ADGRL2: variants seen among roughly 807,000 people sequenced by gnomAD.
ADGRL2 encodes the protein adhesion G protein-coupled receptor L2.
ADGRL2 carries 44 observed loss-of-function variants against 157.4 expected under a neutral mutation model. The ratio of observed to expected loss-of-function variants is 0.28; its 90% CI spans 0.22 to 0.36. The LOEUF (loss-of-function observed/expected upper bound fraction) is 0.36, where lower values mean the gene tolerates loss of function less well. Ranked by LOEUF, ADGRL2 falls within the 10% of genes least tolerant of loss-of-function variation. The pLI is 1.00. For synonymous variants in ADGRL2, 585 were observed against 624.7 expected, an observed-to-expected ratio of 0.94 and a Z score of 0.95; for missense variants, 1,510 against 1,768.9, an observed-to-expected ratio of 0.85 and a Z score of 2.63.
At chr1:81,477,307 C>T (rs528013453) in intron 2 of ADGRL2, among the ~76,000 whole-genome samples, 1 of 152,330 alleles carries the variant, frequency 6.6e-6, no homozygotes, top group South Asian at 2.1e-4. Context: ...ACTCCTAACA[C>T]CTGACTATCC....
intron 3 of ADGRL2, among the ~76,000 whole-genome samples, chr1:81,619,480 G>C (rs538894353): frequency 9.2e-5 from 14 of 152,156 alleles, no homozygotes; most frequent in African/African-American, 3.4e-4. Flanking sequence ...CCTGTGTCAG[G>C]GATCAATGTA....
rs569905065 is a variant in ADGRL2 at position 81,856,116 on chromosome 1, A to G, written c.73+19059A>G. Among the ~76,000 whole-genome samples the G allele has an allele frequency of 3.4e-4, 52 of 152,224 alleles. No homozygotes were observed. In the South Asian group the frequency reaches 0.011, roughly 31 times the overall value. On this transcript the variant is annotated intron_variant, in intron 2 of 23. Transcript: ENST00000686636. ...CTGGTCATATATAGCACAGATGCAT[A>G]ATCTGAAGCAGCAGGTGCTTCTGGG...
chr1:81,891,982 GTA>G (rs373641491), intron 2 of ADGRL2, among the ~76,000 whole-genome samples: 8 of 150,476 alleles, frequency 5.3e-5, no homozygotes, highest in Admixed American at 4.6e-4. Flanking sequence ...GTGTGTGTGT[GTA>G]TGTGTGTGTG....
At chr1:81,398,072 T>C (rs548221240) in intron 1 of ADGRL2, among the ~76,000 whole-genome samples, 26 of 152,314 alleles carry the variant, frequency 1.7e-4, no homozygotes, top group African/African-American at 6.3e-4. Flanking sequence ...ACCTTCTTTG[T>C]CTCTTTTTAC....
At chr1:81,926,435 T>G (rs2095108803) in intron 3 of ADGRL2, among the ~76,000 whole-genome samples, 1 of 152,032 alleles carries the variant, frequency 6.6e-6, no homozygotes, top group South Asian at 2.1e-4. Flanking sequence ...GCTGTGTCTT[T>G]TATATAGTCT....
chr1:81,737,246 A>C (rs1328010566), intron 1 of ADGRL2, among the ~76,000 whole-genome samples: 1 of 152,228 alleles, frequency 6.6e-6, no homozygotes, highest in African/African-American at 2.4e-5. Context: ...TTTATGAAGA[A>C]AAGAGGTTTA....
chr1:81,628,262 T>C (rs2081948187), intron 3 of ADGRL2, among the ~76,000 whole-genome samples: 1 of 152,100 alleles, frequency 6.6e-6, no homozygotes, highest in Non-Finnish European at 1.5e-5. Context: ...AGTGGAGAAT[T>C]GAAGATGTTC....
At chr1:81,834,726 G>A (rs927949448) in intron 1 of ADGRL2, among the ~76,000 whole-genome samples, 4 of 151,912 alleles carry the variant, frequency 2.6e-5, no homozygotes, top group African/African-American at 9.7e-5. Flanking sequence ...CATTACACAG[G>A]CAGATTGACT....
chr1:81,367,239 G>C (rs1201789103), intron 1 of ADGRL2, among the ~76,000 whole-genome samples: 1 of 152,116 alleles, frequency 6.6e-6, no homozygotes, highest in East Asian at 1.9e-4. Context: ...AAGTTCCAGA[G>C]TACATATGCA....
intron 13 of ADGRL2, among the ~76,000 whole-genome samples, 157 bp from the exon 14 acceptor site, chr1:81,967,869 G>C (rs931582579): frequency 6.6e-6 from 1 of 152,088 alleles, no homozygotes. Flanking sequence ...CTAGATATCT[G>C]CCTTGTATAA....
intron 3 of ADGRL2, among the ~76,000 whole-genome samples, chr1:81,916,379 G>T (rs2094854859): frequency 6.6e-6 from 1 of 152,114 alleles, no homozygotes; most frequent in Non-Finnish European, 1.5e-5. Context: ...GATAAGAATA[G>T]ATGTTCAGTT....
At chr1:81,667,985 T>G (rs72716682) in intron 3 of ADGRL2, among the ~76,000 whole-genome samples, 2,680 of 152,314 alleles carry the variant, frequency 0.018, 33 homozygotes, top group South Asian at 0.051. Context: ...TGTTGAATTT[T>G]TAAACTTTTT....
Position 81,959,143 on chromosome 1 carries a change from C to T in ADGRL2, c.2017+3083C>T, listed in dbSNP as rs926311419. 3.3e-5 allele frequency among the ~76,000 whole-genome samples: 5 copies of T among 152,192 alleles called. No homozygotes were observed. The South Asian group carries it at 1.0e-3, about 32-fold the overall frequency. On this transcript the variant is annotated intron_variant, in intron 11 of 23. Coordinates refer to ENST00000686636, the MANE Select transcript of ADGRL2 (RefSeq NM_001366006.2). ...CTTGAACTGTAGCATATGAGAGTTCCAGTTGCTCCACATCCTCACCAATAT... is the reference window on the plus strand; with the variant it reads ...CTTGAACTGTAGCATATGAGAGTTCTAGTTGCTCCACATCCTCACCAATAT...
At chr1:81,864,786 A>G (rs1486118360) in intron 2 of ADGRL2, among the ~76,000 whole-genome samples, 1 of 152,126 alleles carries the variant, frequency 6.6e-6, no homozygotes, top group Non-Finnish European at 1.5e-5. Context: ...ACATGGCGAA[A>G]CCCCATTTCT....
chr1:81,402,543 T>C (rs971321880), intron 1 of ADGRL2, among the ~76,000 whole-genome samples: 1 of 152,114 alleles, frequency 6.6e-6, no homozygotes, highest in Admixed American at 6.5e-5. Context: ...TTAATAAGAT[T>C]TCAGAAAGAG....
chr1:81,596,125 G>T, intron 3 of ADGRL2: 4 of 400,662 alleles, frequency 1.0e-5, no homozygotes, highest in Admixed American at 2.9e-5. Flanking sequence ...TTAACAACTG[G>T]TAATCAATTT....
chr1:81,965,027 T>A (rs1052654886), intron 11 of ADGRL2, among the ~76,000 whole-genome samples: 2 of 152,184 alleles, frequency 1.3e-5, no homozygotes, highest in African/African-American at 4.8e-5. Flanking sequence ...AACATTTATA[T>A]TGTTAGTGGT....
Position 81,950,342 on chromosome 1 carries a change from C to A in ADGRL2, c.1364C>A (p.Ser455Tyr). Reference sequence around the variant, plus strand: ...GGGACAAAACCACCTCCAGCAGTTTCTACAACCAAAATTCCACCTATAACA... The same window carrying A: ...GGGACAAAACCACCTCCAGCAGTTTATACAACCAAAATTCCACCTATAACA... ...SKGTKPPPAV[S>Y]TTKIPPITNI... The change falls in exon 7 of 24, where the codon TCT becomes TAT. Residue 455 changes from serine (S) to tyrosine (Y), a missense_variant. This residue lies in a region of ADGRL2 where 325 missense variants were observed against 333.2 expected (regional missense o/e 0.98). Coordinates refer to ENST00000686636, the MANE Select transcript of ADGRL2 (RefSeq NM_001366006.2). 6.2e-7 allele frequency: 1 copy of A among 1,614,072 alleles called. No homozygotes were observed. The highest frequency in any genetic ancestry group is 1.1e-5 in the South Asian group (1 of 91,076).
At chr1:81,723,059 G>A (rs755505785) in intron 1 of ADGRL2, 1 of 753,426 alleles carries the variant, frequency 1.3e-6, no homozygotes, top group Admixed American at 1.7e-5. Context: ...AGCCAATTGG[G>A]AGTCAAGCAC....
Sources: gnomAD v4.1 joint callset for allele counts (sites outside exome capture counted in the v4.1 genomes callset) on GRCh38, gnomAD v4.1.1 for gene constraint, gnomAD v4.1.1 regional missense constraint, MANE v1.5 for transcripts, NCBI Gene and HGNC (gene_info 2026-07-23, HGNC 2026-07-21) for gene names.